Variants in ARHGAP10 observed in about 807,000 individuals in gnomAD.
ARHGAP10 encodes the protein Rho GTPase activating protein 10.
In ARHGAP10, 87 loss-of-function variants were observed where a neutral mutation model predicts 108.6. That is an observed-to-expected ratio of 0.80 (90% confidence interval 0.67 to 0.96). ARHGAP10 has a LOEUF of 0.96. Ranked by LOEUF, ARHGAP10 falls within the 40% of genes least tolerant of loss-of-function variation. The probability of loss-of-function intolerance (pLI) is 0.00; values close to 1 mark genes in which losing one functional copy is unlikely to be tolerated. For missense variants in ARHGAP10, 939 were observed against 954.5 expected (o/e 0.98, Z 0.21); for synonymous variants, 347 against 341.1 (o/e 1.02, Z -0.19).
intron 1 of ARHGAP10, among the ~76,000 whole-genome samples, chr4:147,779,120 G>A (rs1167329123): frequency 1.3e-5 from 2 of 152,136 alleles, no homozygotes; most frequent in Non-Finnish European, 2.9e-5. Context: ...CTGTGGTAGC[G>A]CCCTGGAATT....
chr4:147,858,600 A>C (rs1212456602), intron 5 of ARHGAP10: 2 of 152,220 alleles, frequency 1.3e-5, no homozygotes, highest in African/African-American at 4.8e-5. Flanking sequence ...CATAAAAGAG[A>C]AAAGAGCTTT....
At chr4:147,912,544 AACAAATATATATATATATATATATAT>A (rs1736789443) in intron 12 of ARHGAP10, among the ~76,000 whole-genome samples, 1 of 108,598 alleles carries the variant, frequency 9.2e-6, no homozygotes, top group African/African-American at 3.7e-5. Flanking sequence ...CAAACAAACA[AACAAATATATATATATATATATATAT>A]ATATATATAT....
chr4:148,057,110 C>T (rs761468282), intron 20 of ARHGAP10, among the ~76,000 whole-genome samples: 2 of 152,184 alleles, frequency 1.3e-5, no homozygotes, highest in Admixed American at 1.3e-4. Flanking sequence ...GTAAGTCATT[C>T]GCTTCCTTCT....
At chr4:148,019,276 T>G (rs1741467729) in intron 18 of ARHGAP10, among the ~76,000 whole-genome samples, 1 of 152,254 alleles carries the variant, frequency 6.6e-6, no homozygotes, top group African/African-American at 2.4e-5. Context: ...GAATTCATTT[T>G]TGTAATTATT....
At position 147,757,176 on chromosome 4, in the gene ARHGAP10, C is replaced by T. The variant is rs1015961765; in HGVS notation, c.154+24721C>T. Among the ~76,000 whole-genome samples the T allele has an allele frequency of 2.0e-5, 3 of 147,202 alleles. No homozygotes were observed. The Admixed American group carries it at 2.0e-4, about 10-fold the overall frequency. On this transcript the variant is annotated intron_variant, in intron 1 of 22. Transcript: ENST00000336498. ...CAGAACCTGAAAGTTAATGGGAACA[C>T]AGGACAGTCTAGCCTTTTTTTTTTT...
chr4:148,042,504 T>G (rs1728674893), intron 19 of ARHGAP10, among the ~76,000 whole-genome samples: 1 of 152,240 alleles, frequency 6.6e-6, no homozygotes, highest in African/African-American at 2.4e-5. Flanking sequence ...TCTTTCAGTT[T>G]TGATACTTTC....
At chr4:148,065,624 G>A (rs575601772) in intron 22 of ARHGAP10, 18 of 152,320 alleles carry the variant, frequency 1.2e-4, no homozygotes, top group African/African-American at 3.8e-4. Context: ...CCTGTCTCAT[G>A]TTGGCACACC....
intron 4 of ARHGAP10, among the ~76,000 whole-genome samples, chr4:147,855,148 A>G (rs1263450673): frequency 1.3e-5 from 2 of 152,230 alleles, no homozygotes; most frequent in Non-Finnish European, 2.9e-5. Flanking sequence ...GGGCAAATGC[A>G]GGGGCCTGAC....
chr4:147,769,618 C>T (rs1579022077), intron 1 of ARHGAP10, among the ~76,000 whole-genome samples: 1 of 152,136 alleles, frequency 6.6e-6, no homozygotes. Context: ...CCACAAAACC[C>T]TCTTGAATCA....
intron 18 of ARHGAP10, among the ~76,000 whole-genome samples, chr4:147,987,117 T>G (rs1392830455): frequency 1.3e-5 from 2 of 152,204 alleles, no homozygotes; most frequent in Non-Finnish European, 2.9e-5. Flanking sequence ...ATAGACTAAG[T>G]GGGGAAAGAT....
At chr4:147,764,691 T>G (rs182698486) in intron 1 of ARHGAP10, among the ~76,000 whole-genome samples, 126 of 152,072 alleles carry the variant, frequency 8.3e-4, no homozygotes, top group African/African-American at 2.9e-3. Flanking sequence ...TGCACCACCA[T>G]GCCCAGCTGA....
chr4:147,998,634 A>C (rs1238343254), intron 18 of ARHGAP10, among the ~76,000 whole-genome samples: 1 of 152,274 alleles, frequency 6.6e-6, no homozygotes, highest in Non-Finnish European at 1.5e-5. Context: ...GGTCGTTTTC[A>C]TCCCTGAAAG....
intron 20 of ARHGAP10, among the ~76,000 whole-genome samples, chr4:148,048,655 C>T (rs1329111417): frequency 6.6e-6 from 1 of 152,180 alleles, no homozygotes; most frequent in Non-Finnish European, 1.5e-5. Flanking sequence ...AACCAGATCT[C>T]TAATTATGCC....
At chr4:147,763,102 A>G (rs1729654972) in intron 1 of ARHGAP10, among the ~76,000 whole-genome samples, 1 of 152,202 alleles carries the variant, frequency 6.6e-6, no homozygotes, top group Middle Eastern at 3.2e-3. Flanking sequence ...GATGGCTACT[A>G]AAGAACAGTG....
Position 148,063,257 on chromosome 4 carries a change from C to T in ARHGAP10, c.2137C>T (p.Pro713Ser). 6.2e-7 allele frequency: 1 copy of T among 1,614,174 alleles called. No homozygotes were observed. Among genetic ancestry groups the T allele is most frequent in the Non-Finnish European group, 8.5e-7 (1 of 1,180,024 alleles). Residue 713 changes from proline (P) to serine (S), a missense_variant, in exon 21 of 23, where the codon CCC becomes TCC. Physicochemically the swap from Pro to Ser is moderately conservative, Grantham distance 74. Coordinates refer to ENST00000336498, the MANE Select transcript of ARHGAP10 (RefSeq NM_024605.4). The part of the protein sequence containing the change: ...TPLSPGSSPF[P>S]FSPPATVADK... The stretch of plus-strand genomic sequence containing the variant: ...TCTTTCACCCGGGTCGTCCCCTTTC[C>T]CCTTTTCTCCTCCTGCTACTGTAGC...
At chr4:147,870,127 T>C (rs1340503348) in intron 7 of ARHGAP10, among the ~76,000 whole-genome samples, 1 of 151,698 alleles carries the variant, frequency 6.6e-6, no homozygotes, top group Non-Finnish European at 1.5e-5. Context: ...CTCGGCTCAC[T>C]GCAAGCTCCG....
intron 13 of ARHGAP10, among the ~76,000 whole-genome samples, chr4:147,929,410 A>G (rs1290866763): frequency 6.6e-6 from 1 of 152,202 alleles, no homozygotes; most frequent in African/African-American, 2.4e-5. Flanking sequence ...CACATTTTTG[A>G]CAGAATGTTA....
intron 11 of ARHGAP10, among the ~76,000 whole-genome samples, chr4:147,907,119 T>C (rs944488504): frequency 1.3e-5 from 2 of 152,170 alleles, no homozygotes; most frequent in African/African-American, 4.8e-5. Flanking sequence ...ACTGCTGTAA[T>C]TGTTTTGCTT....
At chr4:147,817,704 G>T (rs1477872029) in intron 1 of ARHGAP10, among the ~76,000 whole-genome samples, 1 of 152,188 alleles carries the variant, frequency 6.6e-6, no homozygotes, top group African/African-American at 2.4e-5. Flanking sequence ...CTCTGAAGTG[G>T]CAAGTTCATT....
Sources: gnomAD v4.1 joint callset for allele counts (sites outside exome capture counted in the v4.1 genomes callset) on GRCh38, gnomAD v4.1.1 for gene constraint, MANE v1.5 for transcripts, NCBI Gene and HGNC (gene_info 2026-07-23, HGNC 2026-07-21) for gene names.